Variants in DSCAM observed in about 807,000 individuals in gnomAD.
DSCAM encodes DS cell adhesion molecule, also known as cell adhesion molecule DSCAM.
A neutral mutation model predicts 217.7 loss-of-function variants in DSCAM; 47 were observed. The ratio of observed to expected loss-of-function variants is 0.22; its 90% CI spans 0.17 to 0.28. DSCAM has a LOEUF of 0.28. Ranked by LOEUF, DSCAM falls within the 10% of genes least tolerant of loss-of-function variation. The pLI is 1.00. For synonymous variants in DSCAM, 1,056 were observed against 1,015.3 expected, an observed-to-expected ratio of 1.04 and a Z score of -0.76; for missense variants, 2,080 against 2,618.3, an observed-to-expected ratio of 0.79 and a Z score of 4.49.
chr21:40,394,014 C>T (rs2075156864), intron 3 of DSCAM, among the ~76,000 whole-genome samples: 1 of 152,152 alleles, frequency 6.6e-6, no homozygotes, highest in South Asian at 2.1e-4. Context: ...TTCTTTAATA[C>T]AGTTCTCTCA....
At chr21:40,079,885 T>G (rs2089428849) in intron 25 of DSCAM, among the ~76,000 whole-genome samples, 1 of 152,132 alleles carries the variant, frequency 6.6e-6, no homozygotes, top group Non-Finnish European at 1.5e-5. Context: ...TGCCCAGCCT[T>G]GGCACCTCAC....
chr21:40,526,938 T>G (rs779796545), intron 3 of DSCAM, among the ~76,000 whole-genome samples: 1 of 152,054 alleles, frequency 6.6e-6, no homozygotes, highest in Non-Finnish European at 1.5e-5. Flanking sequence ...GAGGTCAAGG[T>G]GCTTCCCTGG....
intron 23 of DSCAM, among the ~76,000 whole-genome samples, chr21:40,084,746 A>G (rs1277841330): frequency 2.0e-5 from 3 of 152,126 alleles, no homozygotes; most frequent in African/African-American, 7.2e-5. Flanking sequence ...CTCTGAGAGA[A>G]GCCTAATATA....
intron 11 of DSCAM, among the ~76,000 whole-genome samples, chr21:40,215,532 T>G (rs2091235078): frequency 6.6e-6 from 1 of 152,118 alleles, no homozygotes; most frequent in Non-Finnish European, 1.5e-5. Context: ...GGGGCCGTTA[T>G]TCTAAGTGAA....
chr21:40,529,246 T>C (rs1298971916), intron 3 of DSCAM, among the ~76,000 whole-genome samples: 3 of 152,066 alleles, frequency 2.0e-5, no homozygotes, highest in Non-Finnish European at 4.4e-5. Flanking sequence ...TCCATGGCAC[T>C]CCCCTCTGGG....
Position 40,187,150 on chromosome 21 carries a change from A to T in DSCAM, c.2760T>A (p.Ile920=). 6.2e-7 allele frequency: 1 copy of T among 1,613,722 alleles called. No homozygotes were observed. Among genetic ancestry groups the T allele is most frequent in the East Asian group, 2.2e-5 (1 of 44,862 alleles). Residue 920 remains isoleucine, a synonymous_variant, in exon 14 of 33, where the codon ATT becomes ATA. Transcript: ENST00000400454. ...ACTTACCTGATTTATTTTTGCATTC[A>T]ATATCGTAGCCTGTGATGGGACTGT... ...DGNSPITGYD[I]ECKNKSDSWD...
At chr21:40,099,957 A>C (rs1471821901) in intron 20 of DSCAM, among the ~76,000 whole-genome samples, 2 of 152,206 alleles carry the variant, frequency 1.3e-5, no homozygotes, top group Non-Finnish European at 2.9e-5. Context: ...ATGGCGAACC[A>C]CAGTGGCAGA....
In DSCAM at chr21:40,137,606, C is replaced by CACAT. The variant is rs1417028658; in HGVS notation, c.3407-3598_3407-3597insATGT. Among the ~76,000 whole-genome samples, 440 of 109,596 alleles carry CACAT rather than the reference C, an allele frequency of 4.0e-3. 1 individual carries two copies. The highest frequency in any genetic ancestry group is 0.014 in the African/African-American group (396 of 27,694). The allele number at this position is 109,596 out of a possible 152,430, so 71.9% of individuals were successfully genotyped here. A position where few individuals can be genotyped will look rare whatever the true frequency, so the allele number is the denominator to read the frequency against. On this transcript the variant is annotated intron_variant, in intron 18 of 32. Coordinates refer to ENST00000400454, the MANE Select transcript of DSCAM (RefSeq NM_001389.5). ...TAGGGCTGTTTAATACACACACACA[C>CACAT]ACACACACACACACACACACACACA...
At position 40,637,639 on chromosome 21, in the gene DSCAM, A is replaced by ATC. The variant is rs1601812368; in HGVS notation, c.508+55170_508+55171insGA. 7.4e-5 allele frequency among the ~76,000 whole-genome samples: 5 copies of ATC among 67,758 alleles called. No individual in the cohort carries two copies. The East Asian group carries it at 9.3e-4, about 13-fold the overall frequency. 44.5% of individuals were successfully genotyped at this position (67,758 alleles called of 152,430 possible). ...TAAATATATACATATATAAATATAT[A>ATC]TAAATATATATCTATATATATATAT... On this transcript the variant is annotated intron_variant, in intron 3 of 32. Transcript: ENST00000400454.
intron 3 of DSCAM, among the ~76,000 whole-genome samples, chr21:40,684,886 T>C (rs1040996935): frequency 6.6e-6 from 1 of 152,186 alleles, no homozygotes; most frequent in Admixed American, 6.5e-5. Context: ...TTACATCTGA[T>C]TGACTTAGCT....
chr21:40,642,151 G>A (rs1260095845), intron 3 of DSCAM, among the ~76,000 whole-genome samples: 1 of 151,958 alleles, frequency 6.6e-6, no homozygotes, highest in East Asian at 1.9e-4. Flanking sequence ...GATACATCTT[G>A]TACTGGCACA....
intron 3 of DSCAM, among the ~76,000 whole-genome samples, chr21:40,578,675 A>G (rs1297263937): frequency 6.6e-6 from 1 of 152,162 alleles, no homozygotes; most frequent in African/African-American, 2.4e-5. Flanking sequence ...TTTTGGGTCC[A>G]CACTACCTTT....
chr21:40,509,186 A>G (rs8131061), intron 3 of DSCAM, among the ~76,000 whole-genome samples: 150,650 of 152,128 alleles, frequency 0.99, 74,595 homozygotes, highest in Middle Eastern at 1. Flanking sequence ...TTGTTACACA[A>G]GCAAGGGAAG....
At chr21:40,802,942 G>C (rs1468127973) in intron 1 of DSCAM, among the ~76,000 whole-genome samples, 1 of 152,172 alleles carries the variant, frequency 6.6e-6, no homozygotes, top group African/African-American at 2.4e-5. Context: ...TTACGCAGCT[G>C]ACCACACCTC....
intron 14 of DSCAM, among the ~76,000 whole-genome samples, chr21:40,183,267 C>T (rs889546989): frequency 2.6e-5 from 4 of 152,112 alleles, no homozygotes; most frequent in African/African-American, 9.7e-5. Context: ...ACAATATGCT[C>T]GAAGGGATGT....
chr21:40,235,101 A>G (rs1256733855), intron 11 of DSCAM, among the ~76,000 whole-genome samples: 1 of 152,256 alleles, frequency 6.6e-6, no homozygotes, highest in African/African-American at 2.4e-5. Flanking sequence ...CATGCAAGAA[A>G]CAAAAATTAG....
chr21:40,844,078 A>G (rs1010567812), intron 1 of DSCAM, among the ~76,000 whole-genome samples: 1 of 152,128 alleles, frequency 6.6e-6, no homozygotes, highest in East Asian at 1.9e-4. Context: ...ACATTCAGAA[A>G]TTTTTCAAAG....
At chr21:40,583,146 GAA>G (rs2146226691) in intron 3 of DSCAM, among the ~76,000 whole-genome samples, 1 of 152,318 alleles carries the variant, frequency 6.6e-6, no homozygotes, top group East Asian at 1.9e-4. Context: ...AACCAGTACT[GAA>G]GTTTCCAAGA....
At chr21:40,168,969 A>G (rs1488604553) in intron 15 of DSCAM, among the ~76,000 whole-genome samples, 1 of 152,206 alleles carries the variant, frequency 6.6e-6, no homozygotes, top group African/African-American at 2.4e-5. Context: ...CAATGTGCTC[A>G]GTAAATATAA....
Sources: gnomAD v4.1 joint callset for allele counts (sites outside exome capture counted in the v4.1 genomes callset) on GRCh38, gnomAD v4.1.1 for gene constraint, MANE v1.5 for transcripts, NCBI Gene and HGNC (gene_info 2026-07-23, HGNC 2026-07-21) for gene names.